The following RNF38 variants were observed in gnomAD, a reference collection of about 807,000 sequenced individuals.
The protein encoded by RNF38 is ring finger protein 38.
Under a neutral mutation model 67.2 loss-of-function variants are expected in RNF38, and 15 were observed. That is an observed-to-expected ratio of 0.22 (90% CI 0.15 to 0.34). The LOEUF (loss-of-function observed/expected upper bound fraction) is 0.34, where lower values mean the gene tolerates loss of function less well. Among genes scored for constraint, RNF38 ranks in the 10% least tolerant of loss-of-function variants. RNF38 has a pLI of 1.00. For synonymous variants in RNF38, 220 were observed against 218.8 expected, an observed-to-expected ratio of 1.01 and a Z score of -0.05; for missense variants, 524 against 639.9, an observed-to-expected ratio of 0.82 and a Z score of 1.95.
At chr9:36,469,055 T>G (rs1839932519) in intron 1 of RNF38, among the ~76,000 whole-genome samples, 1 of 152,058 alleles carries the variant, frequency 6.6e-6, no homozygotes, top group East Asian at 1.9e-4. Flanking sequence ...GAGCTTGCAG[T>G]GAGCTGAGAT....
At chr9:36,344,040 G>A (rs1833038794) in intron 10 of RNF38, among the ~76,000 whole-genome samples, 1 of 152,150 alleles carries the variant, frequency 6.6e-6, no homozygotes, top group African/African-American at 2.4e-5. Flanking sequence ...TTGAGATGGA[G>A]TCTTGCTCTG....
At chr9:36,402,200 A>C (rs1388906427), upstream of RNF38, among the ~76,000 whole-genome samples, 1 of 152,196 alleles carries the variant, frequency 6.6e-6, no homozygotes, top group Admixed American at 6.5e-5. Flanking sequence ...AGGACAAACA[A>C]AGAGAAGCTG....
At chr9:36,402,767 A>C (rs532579394), upstream of RNF38, among the ~76,000 whole-genome samples, 1 of 152,214 alleles carries the variant, frequency 6.6e-6, no homozygotes, top group Non-Finnish European at 1.5e-5. Context: ...TTTGTGAGGC[A>C]AGCTTCCTGA....
chr9:36,415,259 G>C (rs377021914), intron 2 of RNF38, among the ~76,000 whole-genome samples: 80 of 151,928 alleles, frequency 5.3e-4, no homozygotes, highest in African/African-American at 1.7e-3. Context: ...TGTCACACTG[G>C]GTTAATTAAA....
At position 36,396,359 on chromosome 9, in the gene RNF38, T is replaced by C. The variant is rs924118696; in HGVS notation, c.12+3738A>G. On this transcript the variant is annotated intron_variant, in intron 1 of 11. Transcript: ENST00000259605. Reference sequence around the variant, plus strand: ...GCCCAGTAAGTCCACCCCATCCTACTGAGGCAGAATAAATCATTGAGCTAC... The same window carrying C: ...GCCCAGTAAGTCCACCCCATCCTACCGAGGCAGAATAAATCATTGAGCTAC... 4.4e-4 allele frequency among the ~76,000 whole-genome samples: 67 copies of C among 152,202 alleles called. 1 individual carries two copies. Among genetic ancestry groups the C allele is most frequent in the African/African-American group, 1.5e-3 (61 of 41,538 alleles).
chr9:36,427,611 C>T (rs1002962679), intron 1 of RNF38, among the ~76,000 whole-genome samples: 3 of 152,250 alleles, frequency 2.0e-5, no homozygotes, highest in Admixed American at 2.0e-4. Context: ...AGGAAGCAGG[C>T]CCTCGCCATA....
chr9:36,457,849 A>C (rs925769445), intron 1 of RNF38, among the ~76,000 whole-genome samples: 6 of 152,194 alleles, frequency 3.9e-5, no homozygotes, highest in African/African-American at 7.2e-5. Context: ...TCTCCAAAAA[A>C]AAAAAAATTA....
chr9:36,350,791 A>C (rs1833637160), intron 9 of RNF38, among the ~76,000 whole-genome samples: 1 of 152,228 alleles, frequency 6.6e-6, no homozygotes, highest in Admixed American at 6.5e-5. Flanking sequence ...TTGTATCTTG[A>C]AATCCACAAA....
chr9:36,416,790 T>C (rs1172590096), intron 2 of RNF38, among the ~76,000 whole-genome samples: 1 of 141,770 alleles, frequency 7.1e-6, no homozygotes, highest in Non-Finnish European at 1.5e-5. Context: ...TCACATTCTG[T>C]GGCCCAGGCT....
At chr9:36,362,503 C>G (rs1834630622) in intron 4 of RNF38, among the ~76,000 whole-genome samples, 1 of 150,508 alleles carries the variant, frequency 6.6e-6, no homozygotes, top group East Asian at 2.0e-4. Context: ...GATGAACACT[C>G]ATGTAACCAT....
intron 5 of RNF38, among the ~76,000 whole-genome samples, chr9:36,356,936 C>T (rs990052796): frequency 1.3e-5 from 2 of 152,070 alleles, no homozygotes; most frequent in Admixed American, 6.6e-5. Flanking sequence ...ATTTTAGTTC[C>T]CAAATTTGGT....
chr9:36,456,967 T>C (rs1166290012), intron 1 of RNF38, among the ~76,000 whole-genome samples: 1 of 152,126 alleles, frequency 6.6e-6, no homozygotes, highest in Admixed American at 6.6e-5. Flanking sequence ...GGTTTTTTTG[T>C]AGCAGAAAAG....
Position 36,428,220 on chromosome 9 carries a change from T to C in RNF38, n.242-3537A>G, listed in dbSNP as rs148886007. Among the ~76,000 whole-genome samples the C allele has an allele frequency of 2.7e-3, 415 of 151,740 alleles. 2 individuals carry two copies. Among genetic ancestry groups the C allele is most frequent in the African/African-American group, 8.7e-3 (361 of 41,374 alleles). On this transcript the variant is annotated intron_variant and non_coding_transcript_variant, in intron 1 of 3. Transcript: ENST00000488058. The stretch of plus-strand genomic sequence containing the variant: ...TCACAAGGTCAGGAGATGGAGACCA[T>C]CCTGGCTAACACGGTGAAAGCCTGT...
In RNF38 at chr9:36,339,151, AAAAC is replaced by A. The variant is rs2133293330; in HGVS notation, c.*597_*600del. The A allele has an allele frequency of 6.5e-6, 1 of 152,770 alleles. No homozygotes were observed. The highest frequency in any genetic ancestry group is 2.4e-5 in the African/African-American group (1 of 41,578). The allele number at this position is 152,770 out of a possible 1,614,324, so 9.5% of individuals were successfully genotyped here. A position where few individuals can be genotyped will look rare whatever the true frequency, so the allele number is the denominator to read the frequency against. ...TGTGCAACAGCAAACACAAGGGAAA[AAAAC>A]CAGTGTACAGTACTAGTGCTGTTTA... On this transcript the variant is annotated 3_prime_UTR_variant, in exon 12 of 12. Transcript: ENST00000259605.
intron 6 of RNF38, among the ~76,000 whole-genome samples, chr9:36,354,992 G>A (rs1833993298): frequency 1.3e-5 from 2 of 152,192 alleles, no homozygotes. Context: ...AGATACAAGT[G>A]ATAGCTAAAT....
In RNF38 at chr9:36,356,185, C is replaced by T. The variant is rs976942441; in HGVS notation, c.909+118G>A. 12 of 950,818 alleles carry T rather than the reference C, an allele frequency of 1.3e-5. No homozygotes were observed. In the South Asian group the frequency reaches 1.9e-4, roughly 15 times the overall value. The allele number at this position is 950,818 out of a possible 1,614,324, so 58.9% of individuals were successfully genotyped here. ...TAAGCATGCCATTTAAACATAGTAA[C>T]TTAGGCATTCGTCTGGTTCTTAAAT... On this transcript the variant is annotated intron_variant, in intron 6 of 11. Coordinates refer to ENST00000259605, the MANE Select transcript of RNF38 (RefSeq NM_022781.5).
At chr9:36,463,520 G>C (rs531595464) in intron 1 of RNF38, among the ~76,000 whole-genome samples, 130 of 152,140 alleles carry the variant, frequency 8.5e-4, no homozygotes, top group Middle Eastern at 6.8e-3. Flanking sequence ...GTAAATTCAA[G>C]AGCATTTCCA....
rs1834247933 is a variant in RNF38, at chr9:36,357,903, T to C, written c.610A>G (p.Thr204Ala). 1 of 1,614,022 alleles carries C rather than the reference T, an allele frequency of 6.2e-7. No individual in the cohort carries two copies. The highest frequency in any genetic ancestry group is 2.2e-5 in the East Asian group (1 of 44,880). The change falls in exon 5 of 12, where the codon ACA becomes GCA. Residue 204 changes from threonine (T) to alanine (A), a missense_variant. By Grantham distance (58) the Thr-to-Ala change is moderately conservative (BLOSUM62 0). Transcript: ENST00000259605. ...GTVPVSYTVT[T>A]VAPHGIPLCT... ...AGTGGAATCCCATGTGGTGCCACTG[T>C]TGTTACTGTGTAAGAAACAGGGACT...
chr9:36,419,035 T>A (rs1414398039), intron 2 of RNF38, among the ~76,000 whole-genome samples: 2 of 152,174 alleles, frequency 1.3e-5, no homozygotes, highest in African/African-American at 4.8e-5. Context: ...GAAGAAAAAC[T>A]GGTACATCTC....
Sources: allele counts gnomAD v4.1 joint callset (sites outside exome capture counted in the v4.1 genomes callset), GRCh38; gene constraint gnomAD v4.1.1; transcripts MANE v1.5; gene names NCBI Gene and HGNC (gene_info 2026-07-23, HGNC 2026-07-21).